The following PRDM4 variants were observed in gnomAD, a reference collection of about 807,000 sequenced individuals.
The protein encoded by PRDM4 is PR domain zinc finger protein 4.
Under a neutral mutation model 62.3 loss-of-function variants are expected in PRDM4, and 38 were observed. The observed-to-expected ratio is 0.61, with a 90% CI of 0.47 to 0.80. The LOEUF (loss-of-function observed/expected upper bound fraction) is 0.80. PRDM4 is among the 30% of genes least tolerant of loss of function. The pLI, the probability that PRDM4 is intolerant of heterozygous loss-of-function variation, is 0.00. For missense variants in PRDM4, 858 were observed against 997.1 expected (o/e 0.86, Z 1.88); for synonymous variants, 339 against 348.2 (o/e 0.97, Z 0.30).
intron 6 of PRDM4, 30 bp from the exon 7 acceptor site, chr12:107,744,691 T>C (rs199501394): frequency 6.1e-5 from 99 of 1,609,986 alleles, no homozygotes; most frequent in Non-Finnish European, 7.3e-5. Flanking sequence ...AACTACACAA[T>C]CAATGATTTA....
Position 107,760,731 on chromosome 12 carries a change from G to T in PRDM4, c.-216C>A. On this transcript the variant is annotated 5_prime_UTR_variant, in exon 2 of 12. Transcript: ENST00000228437. The stretch of plus-strand genomic sequence containing the variant: ...GTTGGGGCATCTCGGGGAACACCTG[G>T]GGCCTTCCGTCCAGAAGCTTCGGGA... 1 of 574,406 alleles carries T rather than the reference G, an allele frequency of 1.7e-6. No homozygotes were observed. 35.6% of individuals were successfully genotyped at this position (574,406 alleles called of 1,614,324 possible). A position where few individuals can be genotyped will look rare whatever the true frequency, so the allele number is the denominator to read the frequency against.
chr12:107,755,749 C>G (rs1891044814), intron 3 of PRDM4, among the ~76,000 whole-genome samples: 1 of 151,966 alleles, frequency 6.6e-6, no homozygotes, highest in South Asian at 2.1e-4. Context: ...TATTCTATTT[C>G]AATAGAATAA....
At position 107,760,999 on chromosome 12, in the gene PRDM4, T is replaced by C. The variant is rs1184613216; in HGVS notation, c.-299A>G. 6.7e-6 allele frequency: 1 copy of C among 149,988 alleles called. No homozygotes were observed. The highest frequency in any genetic ancestry group is 6.6e-5 in the Admixed American group (1 of 15,082). 9.3% of individuals were successfully genotyped at this position (149,988 alleles called of 1,614,324 possible). On this transcript the variant is annotated 5_prime_UTR_variant, in exon 1 of 12. Coordinates refer to ENST00000228437, the MANE Select transcript of PRDM4 (RefSeq NM_012406.4). ...GGCGCACGCGCCTGCCCCACTGCTTTGTTCCTCATCCGGGCAGAGTTCGCC... is the reference window on the plus strand; with the variant it reads ...GGCGCACGCGCCTGCCCCACTGCTTCGTTCCTCATCCGGGCAGAGTTCGCC...
intron 8 of PRDM4, 157 bp from the exon 9 acceptor site, chr12:107,742,505 G>T: frequency 1.3e-6 from 1 of 796,272 alleles, no homozygotes; most frequent in Non-Finnish European, 2.0e-6. Context: ...TCTATGAGAA[G>T]GCAGTTGTAG....
At chr12:107,737,649 C>G (rs183862455) in intron 11 of PRDM4, among the ~76,000 whole-genome samples, 1 of 152,332 alleles carries the variant, frequency 6.6e-6, no homozygotes, top group African/African-American at 2.4e-5. Flanking sequence ...ATCAATCTTG[C>G]ATGTGGATGA....
At chr12:107,754,222 CCTA>C in intron 3 of PRDM4, 113 bp from the exon 4 acceptor site, 4 of 732,932 alleles carry the variant, frequency 5.5e-6, no homozygotes, top group Non-Finnish European at 8.7e-6. Flanking sequence ...AAAAATCTCA[CCTA>C]CTAGCCCTTT....
Position 107,751,605 on chromosome 12 carries a change from T to C in PRDM4, c.936A>G (p.Leu312=), listed in dbSNP as rs780855594. ...ALSTSHNLAS[L]ESVSLHEVGL... ...CAACTTCATGGAGGGAAACAGATTC[T>C]AGGGAGGCAAGGTTGTGTGAGGTAG... The change falls in exon 5 of 12, where the codon CTA becomes CTG. Residue 312 remains leucine, a synonymous_variant. Coordinates refer to ENST00000228437, the MANE Select transcript of PRDM4 (RefSeq NM_012406.4). 5 of 1,613,730 alleles carry C rather than the reference T, an allele frequency of 3.1e-6. No individual in the cohort carries two copies. Among genetic ancestry groups the C allele is most frequent in the Non-Finnish European group, 4.2e-6 (5 of 1,179,664 alleles).
At chr12:107,758,235 CTTCTTTTTTTTT>C (rs1230118808) in intron 2 of PRDM4, 1 of 122,956 alleles carries the variant, frequency 8.1e-6, no homozygotes, top group Non-Finnish European at 1.7e-5. Context: ...CTCTCTTAAT[CTTCTTTTTTTTT>C]TTTTTTTTTT....
At chr12:107,748,711 G>A (rs1890801018) in intron 5 of PRDM4, among the ~76,000 whole-genome samples, 2 of 152,190 alleles carry the variant, frequency 1.3e-5, no homozygotes, top group Non-Finnish European at 2.9e-5. Flanking sequence ...TGGTTATGAA[G>A]TTTCTTTACC....
chr12:107,742,309 A>T lies in PRDM4; in HGVS notation c.1521T>A (p.Asp507Glu), dbSNP rs755637655. 6.2e-7 allele frequency: 1 copy of T among 1,613,694 alleles called. No homozygotes were observed. Among genetic ancestry groups the T allele is most frequent in the Non-Finnish European group, 8.5e-7 (1 of 1,179,700 alleles). The change falls in exon 9 of 12, where the codon GAT becomes GAA. Residue 507 changes from aspartate to glutamate, a missense_variant. Coordinates refer to ENST00000228437, the MANE Select transcript of PRDM4 (RefSeq NM_012406.4). The stretch of plus-strand genomic sequence containing the variant: ...GTGAGGTGCAGAAAAAGATTTTTCC[A>T]TCATGAGGATAAGCCACCAAATTCT... ...EEQNLVAYPHDGKIFFCTSQD... is the reference protein window; with the variant it reads ...EEQNLVAYPHEGKIFFCTSQD...
At position 107,751,985 on chromosome 12, in the gene PRDM4, C is replaced by T; in HGVS notation, c.556G>A (p.Val186Met). The T allele has an allele frequency of 6.2e-7, 1 of 1,614,242 alleles. No homozygotes were observed. The highest frequency in any genetic ancestry group is 8.5e-7 in the Non-Finnish European group (1 of 1,180,036). The change falls in exon 5 of 12, where the codon GTG (valine) becomes ATG (methionine). Residue 186 changes from valine (V) to methionine (M), a missense_variant. By Grantham distance (21) the Val-to-Met change is conservative. Transcript: ENST00000228437. ...ATAGTGATTGCTGTGTCCAAGGCCA[C>T]CTCATGGCCATCACTGGGATGAAGA... Reference protein sequence around the residue: ...QSLHPSDGHEVALDTAITMEN... With the variant: ...QSLHPSDGHEMALDTAITMEN...
At chr12:107,739,720 G>C in intron 10 of PRDM4, 169 bp from the exon 11 acceptor site, 1 of 533,492 alleles carries the variant, frequency 1.9e-6, no homozygotes, top group Non-Finnish European at 3.2e-6. Context: ...AAGAGCTCCT[G>C]AGTTTATATT....
Position 107,744,563 on chromosome 12 carries a change from C to T in PRDM4, c.1375G>A (p.Ala459Thr), listed in dbSNP as rs1274909092. ...CTGACCTTCCAGATATGGTTAACTG[C>T]CTTGTCTGTCCATTCTGCTACTTCC... ...SMEVAEWTDK[A>T]VNHIWKIYHN... The change falls in exon 7 of 12, where the codon GCA becomes ACA. Residue 459 changes from alanine (A) to threonine (T), a missense_variant. This residue lies in a region of PRDM4 where 355 missense variants were observed against 432.6 expected (regional missense o/e 0.82). Transcript: ENST00000228437. 6.2e-7 allele frequency: 1 copy of T among 1,613,680 alleles called. No homozygotes were observed. Among genetic ancestry groups the T allele is most frequent in the Non-Finnish European group, 8.5e-7 (1 of 1,179,662 alleles).
intron 5 of PRDM4, among the ~76,000 whole-genome samples, chr12:107,748,679 G>A (rs1346234076): frequency 6.6e-6 from 1 of 152,228 alleles, no homozygotes; most frequent in Non-Finnish European, 1.5e-5. Flanking sequence ...ATACGCGGAA[G>A]GAGGGAATGG....
chr12:107,760,685 T>A lies in PRDM4; in HGVS notation c.-170A>T, dbSNP rs1202339157. ...CCGCCCAACTTCTCCCGAGGGCCGG[T>A]GGCCGTGCACCCCGCCACGGGTTGG... On this transcript the variant is annotated 5_prime_UTR_variant, in exon 2 of 12. Transcript: ENST00000228437. 6.9e-6 allele frequency: 5 copies of A among 729,570 alleles called. No individual in the cohort carries two copies. The Admixed American group carries it at 1.4e-4, about 21-fold the overall frequency. 45.2% of individuals were successfully genotyped at this position (729,570 alleles called of 1,614,324 possible).
At chr12:107,747,368 G>A (rs1555261838) in intron 5 of PRDM4, among the ~76,000 whole-genome samples, 1 of 151,710 alleles carries the variant, frequency 6.6e-6, no homozygotes, top group Non-Finnish European at 1.5e-5. Flanking sequence ...TAGGACACTG[G>A]CGTCAGAGCC....
In PRDM4 at chr12:107,751,510, T is replaced by G; in HGVS notation, c.1031A>C (p.Asp344Ala). The change falls in exon 5 of 12, where the codon GAT becomes GCT. Residue 344 changes from aspartate to alanine, a missense_variant. Asp to Ala is a moderately radical substitution (Grantham distance 126). Transcript: ENST00000228437. ...QEVAMGTGHV[D>A]VSSDSLSFVS... ...AAAAGAAAGACTGTCTGAAGATACA[T>G]CTACATGACCTGTCCCCATAGCAAC... 4 of 1,613,494 alleles carry G rather than the reference T, an allele frequency of 2.5e-6. No homozygotes were observed. The highest frequency in any genetic ancestry group is 3.4e-6 in the Non-Finnish European group (4 of 1,179,408).
intron 11 of PRDM4, among the ~76,000 whole-genome samples, chr12:107,734,836 C>T (rs1890276317): frequency 6.6e-6 from 1 of 152,098 alleles, no homozygotes; most frequent in African/African-American, 2.4e-5. Flanking sequence ...GTTGTTTGTT[C>T]CCTTCCACTG....
At chr12:107,757,698 A>G (rs1459356985) in intron 2 of PRDM4, among the ~76,000 whole-genome samples, 1 of 152,132 alleles carries the variant, frequency 6.6e-6, no homozygotes, top group African/African-American at 2.4e-5. Flanking sequence ...AACACTGCCA[A>G]AAAGTTTTTC....
Sources: gnomAD v4.1 joint callset for allele counts (sites outside exome capture counted in the v4.1 genomes callset) on GRCh38, gnomAD v4.1.1 for gene constraint, gnomAD v4.1.1 regional missense constraint, MANE v1.5 for transcripts, NCBI Gene and HGNC (gene_info 2026-07-23, HGNC 2026-07-21) for gene names.